Variants in SLC33A1 observed in about 807,000 individuals in gnomAD.
SLC33A1 encodes the protein acetyl-coenzyme A transporter 1.
A neutral mutation model predicts 50.0 loss-of-function variants in SLC33A1; 20 were observed. The observed-to-expected ratio is 0.40, with a 90% CI of 0.28 to 0.58. The LOEUF is 0.58. SLC33A1 is among the 20% of genes least tolerant of loss of function. The pLI, the probability that SLC33A1 is intolerant of heterozygous loss-of-function variation, is 0.44. For missense variants in SLC33A1, 476 were observed against 657.0 expected, an observed-to-expected ratio of 0.72 and a Z score of 3.01; for synonymous variants, 265 against 251.8, an observed-to-expected ratio of 1.05 and a Z score of -0.50.
In SLC33A1 at chr3:155,838,871, G is replaced by A. The variant is rs146602925; in HGVS notation, c.963+3561C>T. ...TCTTAAAAAAAATAAAAAATAGGCCGGGTGCGGTGGCTCACGCCTGTAATA... is the reference window on the plus strand; with the variant it reads ...TCTTAAAAAAAATAAAAAATAGGCCAGGTGCGGTGGCTCACGCCTGTAATA... On this transcript the variant is annotated intron_variant, in intron 2 of 5. Coordinates refer to ENST00000643144, the MANE Select transcript of SLC33A1 (RefSeq NM_004733.4). Among the ~76,000 whole-genome samples, 58 of 151,040 alleles carry A rather than the reference G, an allele frequency of 3.8e-4. No homozygotes were observed. The East Asian group carries it at 5.2e-3, about 13-fold the overall frequency.
intron 4 of SLC33A1, among the ~76,000 whole-genome samples, chr3:155,833,238 G>A (rs1752517613): frequency 6.6e-6 from 1 of 152,078 alleles, no homozygotes; most frequent in African/African-American, 2.4e-5. Flanking sequence ...GACAGAGCAA[G>A]ACTTCATCTT....
chr3:155,826,765 T>C lies in SLC33A1; in HGVS notation c.*1445A>G, dbSNP rs550454175. 1 of 152,250 alleles carries C rather than the reference T, an allele frequency of 6.6e-6. No homozygotes were observed. The highest frequency in any genetic ancestry group is 6.6e-5 in the Admixed American group (1 of 15,260). 9.4% of individuals were successfully genotyped at this position (152,250 alleles called of 1,614,324 possible). A position where few individuals can be genotyped will look rare whatever the true frequency, so the allele number is the denominator to read the frequency against. ...TTTCTTCAGGTGCTGTGTGCCATTTTCTCCCACCCATTTTATCCTCCATTA... is the reference window on the plus strand; with the variant it reads ...TTTCTTCAGGTGCTGTGTGCCATTTCCTCCCACCCATTTTATCCTCCATTA... On this transcript the variant is annotated 3_prime_UTR_variant, in exon 6 of 6. Transcript: ENST00000643144.
intron 1 of SLC33A1, among the ~76,000 whole-genome samples, chr3:155,843,978 T>C (rs887175552): frequency 6.6e-6 from 1 of 152,194 alleles, no homozygotes; most frequent in African/African-American, 2.4e-5. Context: ...CCATTTTAGA[T>C]GCTTTTACTT....
rs781724496 is a variant in SLC33A1, at chr3:155,829,887, A to G, written c.1283T>C (p.Met428Thr). The G allele has an allele frequency of 6.2e-7, 1 of 1,610,144 alleles. No homozygotes were observed. The highest frequency in any genetic ancestry group is 8.5e-7 in the Non-Finnish European group (1 of 1,176,406). ...YALHQVTVYS[M>T]YVSIMAFNAK... Reference sequence around the variant, plus strand: ...ATTGAAAGCCATTATAGAAACATACATGCTGTACACTGTAACCTACGGAAA... The same window carrying G: ...ATTGAAAGCCATTATAGAAACATACGTGCTGTACACTGTAACCTACGGAAA... The change falls in exon 5 of 6, where the codon ATG becomes ACG. Residue 428 changes from methionine to threonine, a missense_variant. Transcript: ENST00000643144.
chr3:155,835,554 T>C (rs1218137303), intron 2 of SLC33A1, among the ~76,000 whole-genome samples: 4 of 152,164 alleles, frequency 2.6e-5, no homozygotes, highest in East Asian at 1.9e-4. Flanking sequence ...GAGCCAGGCA[T>C]GTCCACCATG....
In SLC33A1 at chr3:155,853,946, T is replaced by C. The variant is rs1577482975; in HGVS notation, c.52A>G (p.Asn18Asp). 4 of 1,536,760 alleles carry C rather than the reference T, an allele frequency of 2.6e-6. No homozygotes were observed. The highest frequency in any genetic ancestry group is 3.5e-6 in the Non-Finnish European group (4 of 1,146,802). ...TTCATATCCAGAGAGTGACTGAAAT[T>C]CCCTGGCCGCCGTTGCCGGCTGCTG... is the stretch of plus-strand genomic sequence containing the variant. The part of the protein sequence containing the change: ...KDSSRQRRPG[N>D]FSHSLDMKSG... Residue 18 changes from asparagine (N) to aspartate (D), a missense_variant, in exon 1 of 6, where the codon AAT (asparagine) becomes GAT (aspartate). By Grantham distance (23) the Asn-to-Asp change is conservative. Coordinates refer to ENST00000643144, the MANE Select transcript of SLC33A1 (RefSeq NM_004733.4).
At chr3:155,831,619 A>C (rs1435016778) in intron 4 of SLC33A1, among the ~76,000 whole-genome samples, 2 of 152,126 alleles carry the variant, frequency 1.3e-5, no homozygotes, top group Non-Finnish European at 2.9e-5. Context: ...CAGTGATTAC[A>C]CTTCAGGAAA....
At chr3:155,833,636 CA>C in intron 3 of SLC33A1, 51 bp from the exon 4 acceptor site, 1 of 1,158,928 alleles carries the variant, frequency 8.6e-7, no homozygotes, top group Non-Finnish European at 1.3e-6. Flanking sequence ...TAAATAACAA[CA>C]ACAACAAAAA....
Position 155,828,207 on chromosome 3 carries a change from AT to A in SLC33A1, c.*2del, listed in dbSNP as rs1184251487. 1 of 1,603,572 alleles carries A rather than the reference AT, an allele frequency of 6.2e-7. No homozygotes were observed. The highest frequency in any genetic ancestry group is 1.3e-5 in the African/African-American group (1 of 74,706). On this transcript the variant is annotated 3_prime_UTR_variant, in exon 6 of 6. Coordinates refer to ENST00000643144, the MANE Select transcript of SLC33A1 (RefSeq NM_004733.4). Reference sequence around the variant, plus strand: ...CTTGCTAGAATGTCCAGTAGCATATATATTAATTGTTCCTTTTGCATTTCCA... The same window carrying A: ...CTTGCTAGAATGTCCAGTAGCATATAATTAATTGTTCCTTTTGCATTTCCA...
Position 155,853,712 on chromosome 3 carries a change from G to T in SLC33A1, c.286C>A (p.Pro96Thr). 1 of 1,614,098 alleles carries T rather than the reference G, an allele frequency of 6.2e-7. No homozygotes were observed. The highest frequency in any genetic ancestry group is 8.5e-7 in the Non-Finnish European group (1 of 1,180,034). ...GIPLGLAGSIPLILQSKNVSY... is the reference protein window; with the variant it reads ...GIPLGLAGSITLILQSKNVSY... ...ACATTTTTGCTTTGCAAAATGAGTGGGATGCTTCCCGCCAAGCCCAGGGGA... is the reference window on the plus strand; with the variant it reads ...ACATTTTTGCTTTGCAAAATGAGTGTGATGCTTCCCGCCAAGCCCAGGGGA... The change falls in exon 1 of 6, where the codon CCA (proline) becomes ACA (threonine). Residue 96 changes from proline to threonine, a missense_variant. Pro to Thr is a conservative substitution (Grantham distance 38, BLOSUM62 -1). Transcript: ENST00000643144.
intron 4 of SLC33A1, among the ~76,000 whole-genome samples, chr3:155,830,527 G>A (rs1195451400): frequency 1.3e-5 from 2 of 152,062 alleles, no homozygotes; most frequent in East Asian, 3.8e-4. Context: ...GTAAATAGAA[G>A]TGCACACATT....
Position 155,833,969 on chromosome 3 carries a change from C to T in SLC33A1, c.1036G>A (p.Ala346Thr). 2 of 1,613,852 alleles carry T rather than the reference C, an allele frequency of 1.2e-6. No homozygotes were observed. The highest frequency in any genetic ancestry group is 1.7e-6 in the Non-Finnish European group (2 of 1,179,810). Reference protein sequence around the residue: ...VEEGVPKEHLALLAVPMVPLQ... With the variant: ...VEEGVPKEHLTLLAVPMVPLQ... ...GGAACCATTGGAACTGCCAATAAGGCTAAATGTTCTTTGGGTACTCCCTCT... is the reference window on the plus strand; with the variant it reads ...GGAACCATTGGAACTGCCAATAAGGTTAAATGTTCTTTGGGTACTCCCTCT... Residue 346 changes from alanine (A) to threonine (T), a missense_variant, in exon 3 of 6, where the codon GCC becomes ACC. Physicochemically the swap from Ala to Thr is moderately conservative, Grantham distance 58. Coordinates refer to ENST00000643144, the MANE Select transcript of SLC33A1 (RefSeq NM_004733.4).
chr3:155,853,478 G>C lies in SLC33A1; in HGVS notation c.520C>G (p.Pro174Ala), dbSNP rs376153423. 1.2e-6 allele frequency: 2 copies of C among 1,613,974 alleles called. No homozygotes were observed. The highest frequency in any genetic ancestry group is 2.7e-5 in the African/African-American group (2 of 74,914). ...RLLGNTDDRTPDVIALTVAFF... is the reference protein window; with the variant it reads ...RLLGNTDDRTADVIALTVAFF... ...GCCACAGTGAGAGCAATCACGTCGG[G>C]TGTTCTGTCATCGGTATTCCCAAGC... The change falls in exon 1 of 6, where the codon CCC (proline) becomes GCC (alanine). Residue 174 changes from proline (P) to alanine (A), a missense_variant. Pro to Ala is a conservative substitution (Grantham distance 27, BLOSUM62 -1). Transcript: ENST00000643144.
chr3:155,854,271 G>C lies in SLC33A1; in HGVS notation c.-274C>G, dbSNP rs982499447. ...AGGAGACCCCCGGGCAGCAGCGCCG[G>C]GCTCGAGGCTGGAGGTGTGTGCCGT... On this transcript the variant is annotated 5_prime_UTR_variant, in exon 1 of 6. Coordinates refer to ENST00000643144, the MANE Select transcript of SLC33A1 (RefSeq NM_004733.4). 3.0e-6 allele frequency: 1 copy of C among 337,478 alleles called. No homozygotes were observed. The highest frequency in any genetic ancestry group is 5.4e-6 in the Non-Finnish European group (1 of 184,882). 20.9% of individuals were successfully genotyped at this position (337,478 alleles called of 1,614,324 possible).
chr3:155,852,736 C>G (rs1416236146), intron 1 of SLC33A1, among the ~76,000 whole-genome samples: 1 of 152,172 alleles, frequency 6.6e-6, no homozygotes, highest in Admixed American at 6.5e-5. Context: ...CAGAACTCTG[C>G]CTTATTCATT....
At chr3:155,849,029 T>C (rs1018511934) in intron 1 of SLC33A1, among the ~76,000 whole-genome samples, 1 of 152,010 alleles carries the variant, frequency 6.6e-6, no homozygotes, top group Non-Finnish European at 1.5e-5. Flanking sequence ...TCTAGTGCCT[T>C]AGCCTCCCTG....
In SLC33A1 at chr3:155,854,031, G is replaced by A. The variant is rs746128403; in HGVS notation, c.-34C>T. On this transcript the variant is annotated 5_prime_UTR_variant, in exon 1 of 6. Transcript: ENST00000643144. ...CGATGCAGAGCCCCGTCTGTGGGGGGCCGAGGCTGAGCGTTTTGGATCCGT... is the reference window on the plus strand; with the variant it reads ...CGATGCAGAGCCCCGTCTGTGGGGGACCGAGGCTGAGCGTTTTGGATCCGT... 6.6e-7 allele frequency: 1 copy of A among 1,515,860 alleles called. No individual in the cohort carries two copies. Among genetic ancestry groups the A allele is most frequent in the Non-Finnish European group, 8.8e-7 (1 of 1,134,548 alleles). The allele number at this position is 1,515,860 out of a possible 1,614,324, so 93.9% of individuals were successfully genotyped here. A position where few individuals can be genotyped will look rare whatever the true frequency, so the allele number is the denominator to read the frequency against.
Position 155,833,348 on chromosome 3 carries a change from T to C in SLC33A1, c.1266+120A>G. 4 of 755,666 alleles carry C rather than the reference T, an allele frequency of 5.3e-6. No individual in the cohort carries two copies. The South Asian group carries it at 5.7e-5, about 11-fold the overall frequency. The allele number at this position is 755,666 out of a possible 1,614,324, so 46.8% of individuals were successfully genotyped here. A position where few individuals can be genotyped will look rare whatever the true frequency, so the allele number is the denominator to read the frequency against. On this transcript the variant is annotated intron_variant, in intron 4 of 5. Transcript: ENST00000643144. ...AGTTTAAAGCGCACCATCAATAATT[T>C]CTTCAGTGTCAGATTCATGCTTAAA...
intron 1 of SLC33A1, among the ~76,000 whole-genome samples, chr3:155,852,111 C>A (rs949271137): frequency 1.3e-5 from 2 of 152,118 alleles, no homozygotes; most frequent in East Asian, 1.9e-4. Flanking sequence ...TGATATTGGT[C>A]ATTTTACTTG....
Sources: gnomAD v4.1 joint callset for allele counts (sites outside exome capture counted in the v4.1 genomes callset) on GRCh38, gnomAD v4.1.1 for gene constraint, MANE v1.5 for transcripts, NCBI Gene and HGNC (gene_info 2026-07-23, HGNC 2026-07-21) for gene names.